SRGAP3: variants seen among roughly 807,000 people sequenced by gnomAD.
The protein encoded by SRGAP3 is SLIT-ROBO Rho GTPase activating protein 3.
A neutral mutation model predicts 121.1 loss-of-function variants in SRGAP3; 39 were observed. The observed-to-expected ratio is 0.32, with a 90% CI of 0.25 to 0.42. The LOEUF (loss-of-function observed/expected upper bound fraction) is 0.42, where lower values mean the gene tolerates loss of function less well. Ranked by LOEUF, SRGAP3 falls within the 10% of genes least tolerant of loss-of-function variation. The pLI is 1.00. For synonymous variants in SRGAP3, 601 were observed against 570.0 expected, an observed-to-expected ratio of 1.05 and a Z score of -0.77; for missense variants, 1,213 against 1,470.6, an observed-to-expected ratio of 0.82 and a Z score of 2.86.
At chr3:9,200,958 C>T (rs998289749) in intron 1 of SRGAP3, among the ~76,000 whole-genome samples, 35 of 152,098 alleles carry the variant, frequency 2.3e-4, no homozygotes, top group African/African-American at 8.2e-4. Context: ...TGATCAGCTG[C>T]CAGTGGTTTG....
At chr3:8,992,622 C>T (rs1942124004) in intron 20 of SRGAP3, 1 of 521,766 alleles carries the variant, frequency 1.9e-6, no homozygotes, top group African/African-American at 1.9e-5. Context: ...AAATACTTGC[C>T]AATTTGTATC....
At chr3:9,114,477 T>C (rs754772137) in intron 2 of SRGAP3, among the ~76,000 whole-genome samples, 1 of 152,218 alleles carries the variant, frequency 6.6e-6, no homozygotes, top group Non-Finnish European at 1.5e-5. Flanking sequence ...TGAACTTCAA[T>C]GCTCAGTGCA....
intron 10 of SRGAP3, among the ~76,000 whole-genome samples, chr3:9,043,590 C>T (rs907995162): frequency 3.3e-5 from 5 of 152,096 alleles, no homozygotes; most frequent in African/African-American, 1.2e-4. Context: ...CATTCCAGCT[C>T]TCAAGAATCC....
chr3:9,217,335 T>G (rs1303661755), intron 1 of SRGAP3: 1 of 152,150 alleles, frequency 6.6e-6, no homozygotes, highest in African/African-American at 2.4e-5. Context: ...CTACTTTAAC[T>G]ATTAATGGCC....
intron 1 of SRGAP3, among the ~76,000 whole-genome samples, chr3:9,141,290 T>C (rs773437842): frequency 3.3e-5 from 5 of 152,122 alleles, no homozygotes; most frequent in Non-Finnish European, 7.3e-5. Flanking sequence ...TCACCTGACA[T>C]TAATAGGGTG....
At chr3:9,353,049 C>T (rs1237514191) in intron 1 of SRGAP3, among the ~76,000 whole-genome samples, 1 of 152,198 alleles carries the variant, frequency 6.6e-6, no homozygotes, top group African/African-American at 2.4e-5. Flanking sequence ...GGTGATTCTG[C>T]TTTGCCTTTG....
At chr3:9,216,338 C>A (rs1378225893) in intron 1 of SRGAP3, among the ~76,000 whole-genome samples, 1 of 149,580 alleles carries the variant, frequency 6.7e-6, no homozygotes, top group Non-Finnish European at 1.5e-5. Context: ...GAGAGTACTA[C>A]CAGCATTTAA....
chr3:9,339,016 C>T (rs189402580), intron 1 of SRGAP3, among the ~76,000 whole-genome samples: 1 of 152,308 alleles, frequency 6.6e-6, no homozygotes, highest in African/African-American at 2.4e-5. Flanking sequence ...ATCAATTCTG[C>T]AGGGACTTAC....
chr3:8,999,886 G>T (rs1410181946), intron 18 of SRGAP3, among the ~76,000 whole-genome samples: 1 of 151,998 alleles, frequency 6.6e-6, no homozygotes, highest in Non-Finnish European at 1.5e-5. Context: ...AAAAGAAAAA[G>T]AAAAAGAAAT....
chr3:9,148,608 ATTAT>A (rs1411662315), intron 1 of SRGAP3, among the ~76,000 whole-genome samples: 1 of 152,154 alleles, frequency 6.6e-6, no homozygotes, highest in Non-Finnish European at 1.5e-5. Flanking sequence ...ATTTGCATCC[ATTAT>A]TTATTTGACC....
rs552555560 is a variant in SRGAP3 at position 9,058,869 on chromosome 3, AC to A, written c.802-398del. 5.3e-4 allele frequency: 124 copies of A among 232,264 alleles called. No individual in the cohort carries two copies. The South Asian group carries it at 5.7e-3, about 11-fold the overall frequency. The allele number at this position is 232,264 out of a possible 1,614,324, so 14.4% of individuals were successfully genotyped here. A position where few individuals can be genotyped will look rare whatever the true frequency, so the allele number is the denominator to read the frequency against. On this transcript the variant is annotated intron_variant, in intron 6 of 21. Coordinates refer to ENST00000383836, the MANE Select transcript of SRGAP3 (RefSeq NM_014850.4). ...CGAGTAGCTGAGATTACAGGTGCCC[AC>A]CACCAAGCCCAGCTAATTTTTGTAT... is the stretch of plus-strand genomic sequence containing the variant.
intron 9 of SRGAP3, among the ~76,000 whole-genome samples, chr3:9,051,710 C>CTTTTTTTTT (rs36044423): frequency 9.7e-6 from 1 of 103,112 alleles, no homozygotes; most frequent in African/African-American, 3.7e-5. Context: ...TTGCTCAATT[C>CTTTTTTTTT]TTTTTTTTTT....
chr3:9,127,082 G>C (rs1237081137), intron 1 of SRGAP3, among the ~76,000 whole-genome samples: 2 of 152,126 alleles, frequency 1.3e-5, no homozygotes, highest in Non-Finnish European at 2.9e-5. Context: ...AGCACTTTGA[G>C]AGGCTGAGGC....
intron 3 of SRGAP3, among the ~76,000 whole-genome samples, chr3:9,264,205 T>C (rs1286260215): frequency 6.6e-6 from 1 of 152,188 alleles, no homozygotes; most frequent in African/African-American, 2.4e-5. Context: ...AAACTAGGTA[T>C]TGATGGACCA....
At chr3:9,250,439 C>T (rs1953980958), upstream of SRGAP3, among the ~76,000 whole-genome samples, 1 of 152,026 alleles carries the variant, frequency 6.6e-6, no homozygotes, top group Non-Finnish European at 1.5e-5. Flanking sequence ...GAATGGTGCC[C>T]CCTGGAGTTG....
chr3:9,226,485 C>T (rs929313095), intron 1 of SRGAP3, among the ~76,000 whole-genome samples: 4 of 152,178 alleles, frequency 2.6e-5, no homozygotes, highest in African/African-American at 9.7e-5. Flanking sequence ...CCTGCCTGTT[C>T]CTTCAAGACA....
In SRGAP3 at chr3:8,984,045, G is replaced by A; in HGVS notation, c.*1474C>T. On this transcript the variant is annotated 3_prime_UTR_variant, in exon 22 of 22. Transcript: ENST00000383836. ...ATCTCTGGAAGTGATCAGAAGAGGA[G>A]GTAAAATGGAATCGAAGGAGAGCGA... 1 of 231,942 alleles carries A rather than the reference G, an allele frequency of 4.3e-6. No homozygotes were observed. Among genetic ancestry groups the A allele is most frequent in the East Asian group, 6.1e-5 (1 of 16,416 alleles). The allele number at this position is 231,942 out of a possible 1,614,324, so 14.4% of individuals were successfully genotyped here.
At chr3:9,285,185 C>A (rs1266765239) in intron 3 of SRGAP3, among the ~76,000 whole-genome samples, 1 of 152,178 alleles carries the variant, frequency 6.6e-6, no homozygotes, top group Non-Finnish European at 1.5e-5. Flanking sequence ...AAATACTTCT[C>A]CCTATGTGGG....
chr3:9,316,410 G>C lies in SRGAP3; in HGVS notation n.442+9600C>G, dbSNP rs1040164568. Reference sequence around the variant, plus strand: ...GCGGTGGCTCACGCCTGTAATCCCAGCACTTTGGGAGGCCGAGGCGGGTGG... The same window carrying C: ...GCGGTGGCTCACGCCTGTAATCCCACCACTTTGGGAGGCCGAGGCGGGTGG... On this transcript the variant is annotated intron_variant and non_coding_transcript_variant, in intron 3 of 3. Coordinates refer to the SRGAP3 transcript ENST00000490889. Among the ~76,000 whole-genome samples the C allele has an allele frequency of 1.3e-5, 2 of 148,394 alleles. 1 individual carries two copies.
Sources: allele counts gnomAD v4.1 joint callset (sites outside exome capture counted in the v4.1 genomes callset), GRCh38; gene constraint gnomAD v4.1.1; transcripts MANE v1.5; gene names NCBI Gene and HGNC (gene_info 2026-07-23, HGNC 2026-07-21).